Variants in NAV3 observed in about 807,000 individuals in gnomAD.
The protein encoded by NAV3 is neuron navigator 3.
Under a neutral mutation model 244.7 loss-of-function variants are expected in NAV3, and 87 were observed. The ratio of observed to expected loss-of-function variants is 0.36; its 90% CI spans 0.30 to 0.42. The LOEUF (loss-of-function observed/expected upper bound fraction) is 0.42. Ranked by LOEUF, NAV3 falls within the 20% of genes least tolerant of loss-of-function variation. NAV3 has a pLI of 1.00. For missense variants in NAV3, 2,663 were observed against 2,893.3 expected, an observed-to-expected ratio of 0.92 and a Z score of 1.83; for synonymous variants, 1,126 against 1,042.2, an observed-to-expected ratio of 1.08 and a Z score of -1.55.
intron 2 of NAV3, among the ~76,000 whole-genome samples, chr12:77,810,068 A>T (rs1468794658): frequency 3.3e-5 from 5 of 152,246 alleles, no homozygotes; most frequent in Admixed American, 6.5e-5. Flanking sequence ...TTTTCAGTTT[A>T]ATTTCAAATT....
intron 38 of NAV3, among the ~76,000 whole-genome samples, chr12:78,201,898 C>T (rs1304769255): frequency 6.6e-6 from 1 of 151,868 alleles, no homozygotes; most frequent in African/African-American, 2.4e-5. Context: ...CTTTTACTGT[C>T]AGGCTCTCTT....
intron 39 of NAV3, 47 bp downstream of exon 39, chr12:78,205,185 G>A: frequency 6.6e-7 from 1 of 1,526,528 alleles, no homozygotes; most frequent in Non-Finnish European, 9.0e-7. Flanking sequence ...TGACTACAGT[G>A]TATAGTCATT....
In NAV3 at chr12:78,075,983, A is replaced by C. The variant is rs892010245; in HGVS notation, c.2636+16868A>C. 1.1e-4 allele frequency among the ~76,000 whole-genome samples: 16 copies of C among 152,300 alleles called. 1 individual carries two copies. Among genetic ancestry groups the C allele is most frequent in the African/African-American group, 2.9e-4 (12 of 41,558 alleles). On this transcript the variant is annotated intron_variant, in intron 12 of 39. Transcript: ENST00000397909. ...CATCCTGAAACAATCACGGAAGCCA[A>C]AGAAGCATCTTCATAGCCTAAGTCT...
chr12:78,085,837 A>T (rs300480), intron 12 of NAV3, among the ~76,000 whole-genome samples: 1 of 152,124 alleles, frequency 6.6e-6, no homozygotes, highest in Admixed American at 6.5e-5. Context: ...GTAGCTGGTT[A>T]GCAAACTCAA....
intron 1 of NAV3, among the ~76,000 whole-genome samples, chr12:77,925,968 G>A (rs1202334662): frequency 6.6e-6 from 1 of 152,182 alleles, no homozygotes; most frequent in Non-Finnish European, 1.5e-5. Context: ...TTTGCTTAGA[G>A]TTGATGTAAA....
At chr12:78,159,419 T>C in intron 23 of NAV3, 133 bp downstream of exon 23, 4 of 741,068 alleles carry the variant, frequency 5.4e-6, no homozygotes, top group Non-Finnish European at 8.5e-6. Flanking sequence ...ATCTCACCAC[T>C]TTGGGAGACC....
At chr12:77,994,745 T>C in intron 5 of NAV3, 58 bp from the exon 6 acceptor site, 1 of 1,381,600 alleles carries the variant, frequency 7.2e-7, no homozygotes, top group Non-Finnish European at 1.0e-6. Flanking sequence ...AAGTTTGTGC[T>C]TTCCTTCCAT....
intron 24 of NAV3, among the ~76,000 whole-genome samples, chr12:78,171,362 A>G (rs1208359466): frequency 1.3e-5 from 2 of 151,738 alleles, no homozygotes; most frequent in Non-Finnish European, 3.0e-5. Flanking sequence ...AAACTTGCTG[A>G]AAGGATTCCT....
chr12:77,932,842 G>A (rs1479021), intron 1 of NAV3, among the ~76,000 whole-genome samples: 2,957 of 152,058 alleles, frequency 0.019, 73 homozygotes, highest in African/African-American at 0.053. Flanking sequence ...GTTTCCATGT[G>A]CCCCTTCCCC....
At chr12:77,833,418 TCCTTGTCCCCC>T (rs1874062070) in intron 1 of NAV3, among the ~76,000 whole-genome samples, 1 of 152,236 alleles carries the variant, frequency 6.6e-6, no homozygotes, top group Admixed American at 6.5e-5. Context: ...AGGAAATGTT[TCCTTGTCCCCC>T]TCACAGGGCA....
chr12:78,077,775 T>C (rs1953126374), intron 12 of NAV3, among the ~76,000 whole-genome samples: 1 of 152,072 alleles, frequency 6.6e-6, no homozygotes, highest in South Asian at 2.1e-4. Flanking sequence ...CCGTCTCTAC[T>C]AAAAATACAA....
At chr12:77,866,497 T>A (rs1008176392) in intron 1 of NAV3, among the ~76,000 whole-genome samples, 9 of 152,150 alleles carry the variant, frequency 5.9e-5, no homozygotes, top group Admixed American at 1.3e-4. Flanking sequence ...CACCAAACAT[T>A]TCCTCCTATC....
At chr12:77,641,239 G>A (rs1239840211) in intron 2 of NAV3, among the ~76,000 whole-genome samples, 1 of 152,042 alleles carries the variant, frequency 6.6e-6, no homozygotes, top group African/African-American at 2.4e-5. Flanking sequence ...CTCTGGGAAG[G>A]CTCATTCTTG....
intron 2 of NAV3, among the ~76,000 whole-genome samples, chr12:77,602,200 G>T (rs1870465126): frequency 6.6e-6 from 1 of 151,908 alleles, no homozygotes; most frequent in South Asian, 2.1e-4. Context: ...AGGACAGTCT[G>T]GGAATTATAG....
intron 2 of NAV3, among the ~76,000 whole-genome samples, chr12:77,657,138 A>C (rs1873152206): frequency 6.6e-6 from 1 of 152,230 alleles, no homozygotes. Flanking sequence ...GAGACACAAA[A>C]AACCCTTCAC....
intron 3 of NAV3, among the ~76,000 whole-genome samples, chr12:77,956,683 G>C (rs538252334): frequency 6.6e-6 from 1 of 152,102 alleles, no homozygotes; most frequent in East Asian, 1.9e-4. Context: ...GGTATGCCCT[G>C]TTCCTCCTTC....
At chr12:77,784,734 C>A in intron 2 of NAV3, among the ~76,000 whole-genome samples, 1 of 151,972 alleles carries the variant, frequency 6.6e-6, no homozygotes, top group Middle Eastern at 3.2e-3. Context: ...AGAAGTGAGG[C>A]CATTCAGGGA....
intron 1 of NAV3, among the ~76,000 whole-genome samples, chr12:77,884,446 A>G (rs1883043495): frequency 6.6e-6 from 1 of 152,068 alleles, no homozygotes; most frequent in African/African-American, 2.4e-5. Context: ...AGGGAAGCTG[A>G]TGGTGTAGCT....
chr12:77,869,496 T>C (rs1454750995), intron 1 of NAV3, among the ~76,000 whole-genome samples: 1 of 152,192 alleles, frequency 6.6e-6, no homozygotes, highest in Non-Finnish European at 1.5e-5. Flanking sequence ...CCTACTCATG[T>C]CAACTATTTG....
Sources: gnomAD v4.1 joint callset for allele counts (sites outside exome capture counted in the v4.1 genomes callset) on GRCh38, gnomAD v4.1.1 for gene constraint, MANE v1.5 for transcripts, NCBI Gene and HGNC (gene_info 2026-07-23, HGNC 2026-07-21) for gene names.